IGFL2: variants seen among roughly 807,000 people sequenced by gnomAD.
IGFL2 encodes the protein insulin growth factor-like family member 2.
A neutral mutation model predicts 13.9 loss-of-function variants in IGFL2; 7 were observed. The observed-to-expected ratio is 0.51, with a 90% CI of 0.29 to 0.95. The LOEUF (loss-of-function observed/expected upper bound fraction) is 0.95. Ranked by LOEUF, IGFL2 falls within the 40% of genes least tolerant of loss-of-function variation. The probability of loss-of-function intolerance (pLI) is 0.08; values close to 1 mark genes in which losing one functional copy is unlikely to be tolerated. For synonymous variants in IGFL2, 55 were observed against 55.8 expected, an observed-to-expected ratio of 0.99 and a Z score of 0.07; for missense variants, 138 against 147.8, an observed-to-expected ratio of 0.93 and a Z score of 0.34.
the IGFL2 span, among the ~76,000 whole-genome samples, chr19:46,182,701 C>T: frequency 5.3e-5 from 8 of 152,140 alleles, no homozygotes; most frequent in African/African-American, 1.7e-4. Context: ...TGTGTCAGAT[C>T]GTCCCTTTTC....
the IGFL2 span, among the ~76,000 whole-genome samples, chr19:46,092,540 G>A: frequency 2.6e-5 from 4 of 152,028 alleles, no homozygotes; most frequent in East Asian, 5.8e-4. Flanking sequence ...GCTAAGGTGG[G>A]AGAATCACTT....
the IGFL2 span, among the ~76,000 whole-genome samples, chr19:46,176,142 C>T: frequency 2.0e-5 from 3 of 148,464 alleles, no homozygotes; most frequent in Non-Finnish European, 3.0e-5. Context: ...CGTGAGCCAC[C>T]GTTCCCAGCC....
the IGFL2 span, among the ~76,000 whole-genome samples, chr19:46,087,554 C>T: frequency 2.0e-5 from 3 of 152,178 alleles, no homozygotes; most frequent in Non-Finnish European, 2.9e-5. Context: ...CAGTGGAATG[C>T]TCAGTTGAGG....
At chr19:46,097,923 T>A in the IGFL2 span, among the ~76,000 whole-genome samples, 1 of 152,210 alleles carries the variant, frequency 6.6e-6, no homozygotes, top group Admixed American at 6.5e-5. Context: ...TTACTTCCAA[T>A]TATGAGATCA....
upstream of IGFL2, among the ~76,000 whole-genome samples, chr19:46,143,775 T>C (rs1344100401): frequency 1.3e-5 from 2 of 152,222 alleles, no homozygotes; most frequent in Non-Finnish European, 2.9e-5. Context: ...AGGGCTTCCC[T>C]GTGGCTCAGA....
At chr19:46,186,203 A>G in the IGFL2 span, among the ~76,000 whole-genome samples, 12 of 150,998 alleles carry the variant, frequency 7.9e-5, 1 homozygote, top group East Asian at 2.3e-3. Flanking sequence ...GGGTGAAGAA[A>G]CTCCGTCCAA....
At chr19:46,108,323 A>G in the IGFL2 span, among the ~76,000 whole-genome samples, 1 of 152,226 alleles carries the variant, frequency 6.6e-6, no homozygotes, top group Admixed American at 6.5e-5. Context: ...CAGGCATCTC[A>G]GACCGTTTGC....
intron 1 of IGFL2, among the ~76,000 whole-genome samples, chr19:46,157,228 C>T (rs1973872800): frequency 6.6e-6 from 1 of 152,148 alleles, no homozygotes; most frequent in African/African-American, 2.4e-5. Context: ...TCTGCACAAT[C>T]TCATCCAGAG....
At chr19:46,180,578 G>A in the IGFL2 span, 1 of 152,166 alleles carries the variant, frequency 6.6e-6, no homozygotes, top group Non-Finnish European at 1.5e-5. Context: ...TATATGAAAG[G>A]GAGTTTATTA....
the IGFL2 span, among the ~76,000 whole-genome samples, chr19:46,104,179 G>A: frequency 6.6e-6 from 1 of 152,166 alleles, no homozygotes; most frequent in Non-Finnish European, 1.5e-5. Flanking sequence ...GGTGTCTGGG[G>A]CAAGGTTGGG....
At chr19:46,203,892 T>C in the IGFL2 span, among the ~76,000 whole-genome samples, 8 of 152,216 alleles carry the variant, frequency 5.3e-5, no homozygotes, top group African/African-American at 1.7e-4. Flanking sequence ...AATTTTTGTA[T>C]TTTTAGTAGA....
the IGFL2 span, among the ~76,000 whole-genome samples, chr19:46,119,440 A>G: frequency 6.6e-6 from 1 of 152,190 alleles, no homozygotes. Context: ...TAAGCCAGAC[A>G]TCTGGAGGCC....
At chr19:46,105,018 T>C in the IGFL2 span, among the ~76,000 whole-genome samples, 1 of 152,188 alleles carries the variant, frequency 6.6e-6, no homozygotes, top group Non-Finnish European at 1.5e-5. Context: ...GTTGGAATGC[T>C]AGCTGCTTCT....
chr19:46,169,602 C>T, the IGFL2 span, among the ~76,000 whole-genome samples: 1 of 152,060 alleles, frequency 6.6e-6, no homozygotes, highest in Admixed American at 6.6e-5. Flanking sequence ...AAATAAAGTA[C>T]TTTGGGAGGC....
chr19:46,092,569 C>G, the IGFL2 span, among the ~76,000 whole-genome samples: 5 of 151,976 alleles, frequency 3.3e-5, no homozygotes, highest in Non-Finnish European at 7.4e-5. Flanking sequence ...GCGGCTGAGG[C>G]TGCAGTGAGC....
chr19:46,105,152 A>G, the IGFL2 span, among the ~76,000 whole-genome samples: 29 of 152,206 alleles, frequency 1.9e-4, no homozygotes, highest in African/African-American at 7.0e-4. Context: ...AGTTTTTATT[A>G]AAGATGCATT....
At chr19:46,162,927 A>G (rs2079935), downstream of IGFL2, among the ~76,000 whole-genome samples, 80,234 of 151,986 alleles carry the variant, frequency 0.53, 21,729 homozygotes, top group Middle Eastern at 0.64. Context: ...TCTGTGTGTG[A>G]GTGTTTCTTT....
chr19:46,120,467 A>G, the IGFL2 span: 1 of 1,486,056 alleles, frequency 6.7e-7, no homozygotes. Flanking sequence ...CTTGACTGCT[A>G]CACCAGATGT....
chr19:46,153,697 C>T (rs968550221), intron 1 of IGFL2, among the ~76,000 whole-genome samples: 3 of 151,724 alleles, frequency 2.0e-5, no homozygotes, highest in Non-Finnish European at 4.4e-5. Flanking sequence ...TATTAGTGCT[C>T]TCCAGAGGGT....
Sources: gnomAD v4.1 joint callset for allele counts (sites outside exome capture counted in the v4.1 genomes callset) on GRCh38, gnomAD v4.1.1 for gene constraint, MANE v1.5 for transcripts, NCBI Gene and HGNC (gene_info 2026-07-23, HGNC 2026-07-21) for gene names.